ROBO2: variants seen among roughly 807,000 people sequenced by gnomAD.
ROBO2 encodes roundabout guidance receptor 2, also known as roundabout homolog 2.
In ROBO2, 53 loss-of-function variants were observed where a neutral mutation model predicts 160.8. The observed-to-expected ratio is 0.33, with a 90% confidence interval of 0.26 to 0.41. The LOEUF (loss-of-function observed/expected upper bound fraction) is 0.41. ROBO2 is among the 10% of genes least tolerant of loss of function. The pLI is 1.00. For synonymous variants in ROBO2, 664 were observed against 611.7 expected (o/e 1.09, Z -1.26); for missense variants, 1,577 against 1,722.4 (o/e 0.92, Z 1.49).
chr3:77,628,479 A>T (rs1179589731), intron 23 of ROBO2, among the ~76,000 whole-genome samples: 2 of 149,776 alleles, frequency 1.3e-5, no homozygotes, highest in Non-Finnish European at 3.0e-5. Context: ...CTAAATCTTC[A>T]GCTCATTGCT....
At chr3:77,206,531 C>T (rs1264401652) in intron 2 of ROBO2, among the ~76,000 whole-genome samples, 1 of 152,108 alleles carries the variant, frequency 6.6e-6, no homozygotes, top group Admixed American at 6.6e-5. Flanking sequence ...ATGACTTCAT[C>T]TTAACTTGAT....
intron 2 of ROBO2, among the ~76,000 whole-genome samples, chr3:77,378,313 C>A (rs931948964): frequency 6.6e-6 from 1 of 152,132 alleles, no homozygotes; most frequent in African/African-American, 2.4e-5. Context: ...CCTGTATTAA[C>A]TCTTTGAGTT....
At chr3:76,420,403 G>A (rs1166282803) in intron 2 of ROBO2, among the ~76,000 whole-genome samples, 1 of 152,134 alleles carries the variant, frequency 6.6e-6, no homozygotes, top group African/African-American at 2.4e-5. Flanking sequence ...CTAACCTGAT[G>A]TGTTTAAATG....
chr3:76,781,932 G>A (rs1026471596), intron 2 of ROBO2, among the ~76,000 whole-genome samples: 1 of 150,748 alleles, frequency 6.6e-6, no homozygotes, highest in Non-Finnish European at 1.5e-5. Flanking sequence ...AGTCAGAGAA[G>A]ATCTGGCATT....
In ROBO2 at chr3:77,258,619, T is replaced by TC. The variant is rs2058576922; in HGVS notation, c.388+160280dup. Among the ~76,000 whole-genome samples, 9 of 53,798 alleles carry TC rather than the reference T, an allele frequency of 1.7e-4. No homozygotes were observed. In the South Asian group the frequency reaches 8.1e-3, roughly 48 times the overall value. The allele number at this position is 53,798 out of a possible 152,430, so 35.3% of individuals were successfully genotyped here. ...GCCTGGGTGACAGACGGAGACTTTGTCTTAAAAAAAAAAAAAAGGAAGAAA... is the reference window on the plus strand; with the variant it reads ...GCCTGGGTGACAGACGGAGACTTTGTCCTTAAAAAAAAAAAAAAGGAAGAAA... On this transcript the variant is annotated intron_variant, in intron 2 of 25. Transcript: ENST00000461745.
chr3:77,079,894 T>C (rs2068452090), intron 1 of ROBO2, among the ~76,000 whole-genome samples: 1 of 152,200 alleles, frequency 6.6e-6, no homozygotes. Flanking sequence ...AACATATTGA[T>C]GAACCAAAGT....
intron 23 of ROBO2, among the ~76,000 whole-genome samples, chr3:77,627,623 T>A (rs1055359889): frequency 1.3e-5 from 2 of 152,118 alleles, no homozygotes; most frequent in Non-Finnish European, 2.9e-5. Context: ...ATTCAATATG[T>A]TTGAGTGAAA....
intron 2 of ROBO2, among the ~76,000 whole-genome samples, chr3:76,583,499 A>G (rs937528198): frequency 2.0e-5 from 3 of 152,148 alleles, no homozygotes; most frequent in African/African-American, 7.2e-5. Flanking sequence ...AAACTACCTG[A>G]CTTCCCACAA....
chr3:77,069,840 T>C (rs557314298), intron 1 of ROBO2, among the ~76,000 whole-genome samples: 32 of 151,978 alleles, frequency 2.1e-4, no homozygotes, highest in Non-Finnish European at 4.4e-4. Flanking sequence ...CTCTGAAGGC[T>C]CTAGGGAAGA....
At chr3:77,600,237 C>T (rs906675424) in intron 19 of ROBO2, among the ~76,000 whole-genome samples, 1 of 152,184 alleles carries the variant, frequency 6.6e-6, no homozygotes, top group African/African-American at 2.4e-5. Context: ...TAGGACTCTC[C>T]TTAACATCCA....
intron 2 of ROBO2, among the ~76,000 whole-genome samples, chr3:76,374,926 G>A (rs957200476): frequency 2.7e-5 from 4 of 149,954 alleles, no homozygotes; most frequent in Admixed American, 6.7e-5. Context: ...TGTGACTATC[G>A]TACGCTTTCT....
chr3:76,122,182 C>T (rs944201979), intron 2 of ROBO2, among the ~76,000 whole-genome samples: 5 of 152,048 alleles, frequency 3.3e-5, no homozygotes, highest in African/African-American at 1.2e-4. Context: ...GCATTGATGA[C>T]TAATGTGGAA....
intron 2 of ROBO2, among the ~76,000 whole-genome samples, chr3:76,393,616 G>C (rs915895155): frequency 6.6e-6 from 1 of 152,132 alleles, no homozygotes; most frequent in African/African-American, 2.4e-5. Flanking sequence ...AAACACTGTA[G>C]ATAATGAGGA....
intron 2 of ROBO2, among the ~76,000 whole-genome samples, chr3:76,607,818 G>T (rs2087778561): frequency 6.6e-6 from 1 of 152,220 alleles, no homozygotes; most frequent in African/African-American, 2.4e-5. Context: ...ACACTTTTGA[G>T]GAACAAATAT....
At chr3:76,852,986 TC>T (rs1481083429) in intron 2 of ROBO2, among the ~76,000 whole-genome samples, 1 of 152,128 alleles carries the variant, frequency 6.6e-6, no homozygotes, top group African/African-American at 2.4e-5. Flanking sequence ...AAAGATGATA[TC>T]TTAGTGACTA....
At chr3:76,029,367 TTTATTA>T (rs895643724) in intron 2 of ROBO2, among the ~76,000 whole-genome samples, 26 of 151,852 alleles carry the variant, frequency 1.7e-4, no homozygotes, top group African/African-American at 6.3e-4. Flanking sequence ...CTTACATTTC[TTTATTA>T]TTATTATTAT....
chr3:77,550,743 A>C, intron 7 of ROBO2, 75 bp from the exon 9 acceptor site: 1 of 1,460,228 alleles, frequency 6.8e-7, no homozygotes, highest in Non-Finnish European at 9.6e-7. Flanking sequence ...GTATTCCTTA[A>C]TTGTAGTAGC....
intron 2 of ROBO2, among the ~76,000 whole-genome samples, chr3:77,437,291 T>C (rs2079394788): frequency 6.6e-6 from 1 of 152,024 alleles, no homozygotes; most frequent in Non-Finnish European, 1.5e-5. Context: ...GATATGAGGA[T>C]ATAGTTCTTA....
chr3:76,689,862 A>G (rs929175170), intron 2 of ROBO2, among the ~76,000 whole-genome samples: 2 of 151,930 alleles, frequency 1.3e-5, no homozygotes, highest in Non-Finnish European at 2.9e-5. Flanking sequence ...TCTTTGTCCA[A>G]TTTCTGACCT....
Sources: allele counts gnomAD v4.1 joint callset (sites outside exome capture counted in the v4.1 genomes callset), GRCh38; gene constraint gnomAD v4.1.1; transcripts MANE v1.5; gene names NCBI Gene and HGNC (gene_info 2026-07-23, HGNC 2026-07-21).